ENTREP2: variants seen among roughly 807,000 people sequenced by gnomAD.
ENTREP2 encodes the protein protein ENTREP2.
At chr15:29,479,650 C>G in the ENTREP2 span, among the ~76,000 whole-genome samples, 2 of 146,712 alleles carry the variant, frequency 1.4e-5, no homozygotes, top group South Asian at 2.2e-4. Flanking sequence ...CTCTCTCTGT[C>G]TGTCTCACAC....
the ENTREP2 span, among the ~76,000 whole-genome samples, chr15:29,394,502 T>A: frequency 1.3e-5 from 2 of 152,180 alleles, no homozygotes; most frequent in Non-Finnish European, 2.9e-5. Context: ...GAACAGAATA[T>A]AATGTCCAGA....
chr15:29,472,482 T>C, the ENTREP2 span, among the ~76,000 whole-genome samples: 1 of 142,370 alleles, frequency 7.0e-6, no homozygotes, highest in African/African-American at 2.6e-5. Flanking sequence ...CATATAAATT[T>C]GAGACGGAGT....
the ENTREP2 span, among the ~76,000 whole-genome samples, chr15:29,647,045 C>G: frequency 6.6e-6 from 1 of 152,212 alleles, no homozygotes; most frequent in South Asian, 2.1e-4. Context: ...ATAAATGCAG[C>G]TGTCATATTA....
chr15:29,159,126 AC>A, the ENTREP2 span, among the ~76,000 whole-genome samples: 10 of 152,120 alleles, frequency 6.6e-5, no homozygotes, highest in Non-Finnish European at 1.3e-4. Context: ...GCTGAGTGTT[AC>A]AGCTCTTAAA....
At chr15:29,236,212 G>A in the ENTREP2 span, among the ~76,000 whole-genome samples, 1 of 152,070 alleles carries the variant, frequency 6.6e-6, no homozygotes, top group South Asian at 2.1e-4. Context: ...ACATCCAAAG[G>A]ATAATAAAGG....
chr15:29,356,292 ATATATTTTTTTTTTTT>A, the ENTREP2 span, among the ~76,000 whole-genome samples: 1 of 59,398 alleles, frequency 1.7e-5, no homozygotes, highest in Non-Finnish European at 3.2e-5. Context: ...ATATATATAT[ATATATTTTTTTTTTTT>A]TTTTTTTTTT....
At chr15:29,650,613 A>C in the ENTREP2 span, among the ~76,000 whole-genome samples, 120 of 152,126 alleles carry the variant, frequency 7.9e-4, no homozygotes, top group Middle Eastern at 3.4e-3. Flanking sequence ...AAAAACAAAA[A>C]AAAAAAATTC....
the ENTREP2 span, chr15:29,268,728 A>G: frequency 2.6e-5 from 39 of 1,509,774 alleles, no homozygotes; most frequent in East Asian, 4.8e-4. Flanking sequence ...CCTTCCCCCA[A>G]TCCTCTAAAC....
the ENTREP2 span, among the ~76,000 whole-genome samples, chr15:29,512,011 C>T: frequency 6.6e-6 from 1 of 151,330 alleles, no homozygotes; most frequent in South Asian, 2.1e-4. Flanking sequence ...AAATCAGGGC[C>T]GGTGCTTTGG....
chr15:29,557,155 G>GCCCCAGCCCTGTCTCAGGCCCT, the ENTREP2 span, among the ~76,000 whole-genome samples: 1 of 152,142 alleles, frequency 6.6e-6, no homozygotes, highest in Non-Finnish European at 1.5e-5. Flanking sequence ...AACCTGGCTG[G>GCCCCAGCCCTGTCTCAGGCCCT]CCCCAGCCCT....
At chr15:29,550,924 C>G in the ENTREP2 span, among the ~76,000 whole-genome samples, 1 of 152,130 alleles carries the variant, frequency 6.6e-6, no homozygotes, top group African/African-American at 2.4e-5. Context: ...AGTGATCTGC[C>G]CACAGTCACA....
At chr15:29,523,052 C>A in the ENTREP2 span, among the ~76,000 whole-genome samples, 2 of 152,312 alleles carry the variant, frequency 1.3e-5, no homozygotes. Flanking sequence ...TGTTCATGCT[C>A]AGGAAAGGCC....
chr15:29,493,654 TATAG>T, the ENTREP2 span, among the ~76,000 whole-genome samples: 4 of 149,828 alleles, frequency 2.7e-5, no homozygotes, highest in East Asian at 1.9e-4. Context: ...ATAAACAGAA[TATAG>T]ATAGATAGAC....
At chr15:29,582,051 CA>C in the ENTREP2 span, among the ~76,000 whole-genome samples, 3 of 151,654 alleles carry the variant, frequency 2.0e-5, no homozygotes, top group East Asian at 5.8e-4. Flanking sequence ...AAGAGATTCT[CA>C]TGCTTCAGCC....
chr15:29,599,879 C>T, the ENTREP2 span, among the ~76,000 whole-genome samples: 1 of 152,366 alleles, frequency 6.6e-6, no homozygotes, highest in East Asian at 1.9e-4. Flanking sequence ...AGCAGCAGCC[C>T]TGCCCTTTAG....
At chr15:29,152,909 G>A in the ENTREP2 span, among the ~76,000 whole-genome samples, 25 of 152,212 alleles carry the variant, frequency 1.6e-4, no homozygotes, top group African/African-American at 5.8e-4. Flanking sequence ...CCCACCAGCA[G>A]TGTATGAGTG....
chr15:29,438,768 C>A, the ENTREP2 span, among the ~76,000 whole-genome samples: 1 of 152,144 alleles, frequency 6.6e-6, no homozygotes, highest in Non-Finnish European at 1.5e-5. Context: ...CTCCGCAGAT[C>A]TCACTGGTCT....
the ENTREP2 span, among the ~76,000 whole-genome samples, chr15:29,354,012 T>C: frequency 6.6e-6 from 1 of 152,186 alleles, no homozygotes; most frequent in Admixed American, 6.5e-5. Flanking sequence ...TTTCTGGGTA[T>C]GTGTGTCAGG....
At chr15:29,478,025 T>TATATATATATATATATA in the ENTREP2 span, among the ~76,000 whole-genome samples, 13 of 122,822 alleles carry the variant, frequency 1.1e-4, no homozygotes, top group African/African-American at 4.4e-4. Context: ...ATATATTTTT[T>TATATATATATATATATA]TTTTTTTTTT....
Sources: allele counts gnomAD v4.1 joint callset (sites outside exome capture counted in the v4.1 genomes callset), GRCh38; gene constraint gnomAD v4.1.1; transcripts MANE v1.5; gene names NCBI Gene and HGNC (gene_info 2026-07-23, HGNC 2026-07-21).